Variants in ATP9A observed in about 807,000 individuals in gnomAD.
ATP9A encodes probable phospholipid-transporting ATPase IIA.
A neutral mutation model predicts 144.1 loss-of-function variants in ATP9A; 52 were observed. The observed-to-expected ratio is 0.36, with a 90% CI of 0.29 to 0.45. The LOEUF (loss-of-function observed/expected upper bound fraction) is 0.45. Among genes scored for constraint, ATP9A ranks in the 20% least tolerant of loss-of-function variants. The probability of loss-of-function intolerance (pLI) is 1.00; values close to 1 mark genes in which losing one functional copy is unlikely to be tolerated. For missense variants in ATP9A, 947 were observed against 1,392.7 expected, an observed-to-expected ratio of 0.68 and a Z score of 5.09; for synonymous variants, 582 against 557.4, an observed-to-expected ratio of 1.04 and a Z score of -0.62.
At position 51,639,335 on chromosome 20, in the gene ATP9A, C is replaced by G; in HGVS notation, c.1668+8G>C. The G allele has an allele frequency of 5.6e-6, 9 of 1,608,362 alleles. No individual in the cohort carries two copies. In the African/African-American group the frequency reaches 6.7e-5, roughly 12 times the overall value. On this transcript the variant is annotated splice_region_variant and intron_variant, in intron 15 of 27. Coordinates refer to ENST00000338821, the MANE Select transcript of ATP9A (RefSeq NM_006045.3). ...AAGCACTTTAAGCCATGAATAAAAA[C>G]GACTCACCCGCACGATGATGCCCAT... is the stretch of plus-strand genomic sequence containing the variant.
At chr20:51,719,738 A>G (rs1379966389) in intron 3 of ATP9A, among the ~76,000 whole-genome samples, 1 of 133,572 alleles carries the variant, frequency 7.5e-6, no homozygotes, top group Non-Finnish European at 1.6e-5. Context: ...TCTCAAAAAA[A>G]AAAAAAAGGG....
At chr20:51,742,108 G>T (rs1400346490) in intron 1 of ATP9A, among the ~76,000 whole-genome samples, 1 of 152,150 alleles carries the variant, frequency 6.6e-6, no homozygotes, top group Non-Finnish European at 1.5e-5. Context: ...AAAACAGCTT[G>T]AGTTCAGGAG....
chr20:51,701,932 G>A (rs866115769), intron 4 of ATP9A, among the ~76,000 whole-genome samples: 208 of 151,452 alleles, frequency 1.4e-3, no homozygotes, highest in African/African-American at 4.8e-3. Flanking sequence ...AGGCCGAGGC[G>A]GGTGGATTGC....
intron 14 of ATP9A, among the ~76,000 whole-genome samples, chr20:51,641,917 C>A (rs998195414): frequency 6.6e-6 from 1 of 151,836 alleles, no homozygotes; most frequent in Non-Finnish European, 1.5e-5. Flanking sequence ...ACCTGCAGCC[C>A]CTGTCAACAC....
intron 19 of ATP9A, among the ~76,000 whole-genome samples, 170 bp downstream of exon 19, chr20:51,621,904 C>A (rs752647239): frequency 6.6e-6 from 1 of 152,132 alleles, no homozygotes; most frequent in Admixed American, 6.5e-5. Flanking sequence ...ACTCTCCAGC[C>A]GGCGCCTGGG....
At chr20:51,692,186 GACA>G (rs2077551285) in intron 7 of ATP9A, among the ~76,000 whole-genome samples, 1 of 152,172 alleles carries the variant, frequency 6.6e-6, no homozygotes, top group South Asian at 2.1e-4. Context: ...ATGCCTGCAT[GACA>G]ACGTCAATGT....
chr20:51,654,777 T>C (rs868376421), intron 14 of ATP9A, among the ~76,000 whole-genome samples: 1 of 130,562 alleles, frequency 7.7e-6, no homozygotes, highest in African/African-American at 2.5e-5. Flanking sequence ...CCACAAGATA[T>C]ACTGACTGCC....
intron 3 of ATP9A, among the ~76,000 whole-genome samples, chr20:51,718,814 CAAAAAAAAAAAAAAAAA>C (rs71192550): frequency 1.7e-4 from 10 of 57,692 alleles, no homozygotes; most frequent in African/African-American, 5.3e-4. Context: ...GACTCCATCT[CAAAAAAAAAAAAAAAAA>C]AAAAAAAAAA....
At chr20:51,682,949 G>A (rs770485263) in intron 9 of ATP9A, among the ~76,000 whole-genome samples, 20 of 150,778 alleles carry the variant, frequency 1.3e-4, no homozygotes, top group East Asian at 2.1e-4. Context: ...AAAATTAGCC[G>A]GGTGTGGTGG....
chr20:51,726,552 G>C (rs1310869057), intron 2 of ATP9A, among the ~76,000 whole-genome samples: 2 of 152,038 alleles, frequency 1.3e-5, no homozygotes, highest in African/African-American at 4.8e-5. Flanking sequence ...GCACACAGGG[G>C]CATCAACTAT....
At chr20:51,615,027 G>A (rs1284325962) in intron 22 of ATP9A, among the ~76,000 whole-genome samples, 3 of 146,246 alleles carry the variant, frequency 2.1e-5, no homozygotes, top group African/African-American at 5.1e-5. Context: ...ATGTTAACAC[G>A]GGGTTGAGCA....
intron 4 of ATP9A, among the ~76,000 whole-genome samples, chr20:51,702,992 TTTG>T (rs144551757): frequency 6.6e-6 from 1 of 151,452 alleles, no homozygotes; most frequent in Non-Finnish European, 1.5e-5. Context: ...CCTTGGTTTT[TTTG>T]TTGTTGTTTT....
At position 51,613,758 on chromosome 20, in the gene ATP9A, C is replaced by T. The variant is rs765527447; in HGVS notation, c.2490G>A (p.Val830=). The change falls in exon 23 of 28, where the codon GTG becomes GTA. Residue 830 remains valine (V), a synonymous_variant. Coordinates refer to ENST00000338821, the MANE Select transcript of ATP9A (RefSeq NM_006045.3). ...QFKHLGRLLM[V]HGRNSYKRSA... The stretch of plus-strand genomic sequence containing the variant: ...ACCGCTTGTAGCTGTTCCGGCCATG[C>T]ACCATAAGCAACCGGCCAAGATGCT... The T allele has an allele frequency of 1.2e-6, 2 of 1,613,994 alleles. No individual in the cohort carries two copies. Among genetic ancestry groups the T allele is most frequent in the African/African-American group, 1.3e-5 (1 of 74,928 alleles).
chr20:51,716,817 G>A (rs570443074), intron 3 of ATP9A, among the ~76,000 whole-genome samples: 1 of 152,258 alleles, frequency 6.6e-6, no homozygotes, highest in South Asian at 2.1e-4. Flanking sequence ...GCAGTAGAAA[G>A]GATCATTCCT....
chr20:51,672,806 C>T (rs1378748492), intron 11 of ATP9A, among the ~76,000 whole-genome samples: 1 of 152,004 alleles, frequency 6.6e-6, no homozygotes, highest in Non-Finnish European at 1.5e-5. Flanking sequence ...GACTGCTAAC[C>T]CACATCACAG....
chr20:51,742,703 C>G (rs571538296), intron 1 of ATP9A, among the ~76,000 whole-genome samples: 27 of 152,128 alleles, frequency 1.8e-4, no homozygotes, highest in African/African-American at 6.5e-4. Flanking sequence ...TTAGTAGAGA[C>G]GGCGTTTCAC....
At chr20:51,696,345 C>T (rs899244775) in intron 5 of ATP9A, among the ~76,000 whole-genome samples, 1 of 152,210 alleles carries the variant, frequency 6.6e-6, no homozygotes, top group African/African-American at 2.4e-5. Context: ...AAATCTTGCA[C>T]ACTGCTGCTA....
intron 14 of ATP9A, among the ~76,000 whole-genome samples, chr20:51,643,835 G>A (rs1007389330): frequency 8.6e-5 from 13 of 152,002 alleles, no homozygotes; most frequent in Non-Finnish European, 1.5e-4. Context: ...GTAATGATTC[G>A]CATATATAAA....
At chr20:51,687,311 T>C (rs938781792) in intron 9 of ATP9A, among the ~76,000 whole-genome samples, 5 of 152,112 alleles carry the variant, frequency 3.3e-5, no homozygotes, top group Admixed American at 6.6e-5. Flanking sequence ...GGAAATAAAA[T>C]GTAGCAGAAA....
Sources: allele counts gnomAD v4.1 joint callset (sites outside exome capture counted in the v4.1 genomes callset), GRCh38; gene constraint gnomAD v4.1.1; transcripts MANE v1.5; gene names NCBI Gene and HGNC (gene_info 2026-07-23, HGNC 2026-07-21).